The following CTNNA2 variants were observed in gnomAD, a reference collection of about 807,000 sequenced individuals.
The protein encoded by CTNNA2 is catenin alpha-2.
CTNNA2 carries 42 observed loss-of-function variants against 101.0 expected under a neutral mutation model. The ratio of observed to expected loss-of-function variants is 0.42; its 90% CI spans 0.32 to 0.54. The LOEUF is 0.54. CTNNA2 is among the 20% of genes least tolerant of loss of function. The pLI is 0.14. For missense variants in CTNNA2, 871 were observed against 1,223.1 expected (o/e 0.71, Z 4.29); for synonymous variants, 450 against 456.4 (o/e 0.99, Z 0.18).
chr2:80,409,175 T>C (rs1205679706), intron 8 of CTNNA2, among the ~76,000 whole-genome samples: 1 of 152,094 alleles, frequency 6.6e-6, no homozygotes, highest in Non-Finnish European at 1.5e-5. Context: ...CCTTCACCCT[T>C]GCCACCTAAA....
intron 1 of CTNNA2, among the ~76,000 whole-genome samples, chr2:79,601,160 G>T (rs1029739007): frequency 2.0e-4 from 31 of 152,152 alleles, no homozygotes; most frequent in Non-Finnish European, 4.4e-4. Context: ...GAAGAAATTT[G>T]TCAAAAGCCT....
chr2:80,506,759 G>A (rs989151213), intron 9 of CTNNA2, among the ~76,000 whole-genome samples: 12 of 152,174 alleles, frequency 7.9e-5, no homozygotes, highest in Non-Finnish European at 1.5e-4. Context: ...CAGGTCTAGC[G>A]TGGGAGGGAT....
chr2:79,233,531 T>G (rs561351399), intron 2 of CTNNA2, among the ~76,000 whole-genome samples: 2 of 152,294 alleles, frequency 1.3e-5, no homozygotes, highest in East Asian at 3.9e-4. Flanking sequence ...TATTCCATAC[T>G]TGTTGGGTGA....
At chr2:79,432,851 C>T (rs916620957) in intron 4 of CTNNA2, among the ~76,000 whole-genome samples, 3 of 152,224 alleles carry the variant, frequency 2.0e-5, no homozygotes, top group Admixed American at 1.3e-4. Flanking sequence ...ATAACAAAGG[C>T]TCTCTTTTGA....
Position 80,464,229 on chromosome 2 carries a change from G to A in CTNNA2, c.1290+44628G>A, listed in dbSNP as rs112431928. 6.9e-3 allele frequency among the ~76,000 whole-genome samples: 1,055 copies of A among 152,238 alleles called. 11 individuals are homozygous for A. Among genetic ancestry groups the A allele is most frequent in the African/African-American group, 0.019 (785 of 41,546 alleles). ...CCTGCATGAACCAGAAGAAAGAACT[G>A]TCTTCAATATAATGGAGATCCAATA... On this transcript the variant is annotated intron_variant, in intron 9 of 18. Coordinates refer to ENST00000402739, the MANE Select transcript of CTNNA2 (RefSeq NM_001282597.3).
chr2:80,188,237 A>G (rs1340251137), intron 7 of CTNNA2, among the ~76,000 whole-genome samples: 1 of 152,222 alleles, frequency 6.6e-6, no homozygotes, highest in Non-Finnish European at 1.5e-5. Flanking sequence ...GTCTCATGAG[A>G]CTGAATTTTG....
At chr2:79,466,752 T>C (rs960334620) in intron 4 of CTNNA2, among the ~76,000 whole-genome samples, 1 of 152,196 alleles carries the variant, frequency 6.6e-6, no homozygotes, top group Non-Finnish European at 1.5e-5. Context: ...CTGCTGCTGA[T>C]ACCCAGGAGA....
intron 1 of CTNNA2, among the ~76,000 whole-genome samples, chr2:79,613,908 T>C (rs1371003814): frequency 6.6e-6 from 1 of 152,162 alleles, no homozygotes; most frequent in Non-Finnish European, 1.5e-5. Flanking sequence ...TGTTTGACTG[T>C]TTTATAGTTG....
rs1699116243 is a variant in CTNNA2 at position 80,081,130 on chromosome 2, A to T, written c.1056+171333A>T. 3.3e-5 allele frequency among the ~76,000 whole-genome samples: 5 copies of T among 150,314 alleles called. No individual in the cohort carries two copies. The South Asian group carries it at 1.0e-3, about 32-fold the overall frequency. On this transcript the variant is annotated intron_variant, in intron 7 of 18. Transcript: ENST00000402739. ...AAAAAAAAAGCGTGGTCGGGTGAGG[A>T]GCAAATGCTTAAAGAACTTCCCCTT...
chr2:80,294,568 T>A (rs1379016127), intron 7 of CTNNA2, among the ~76,000 whole-genome samples: 1 of 152,066 alleles, frequency 6.6e-6, no homozygotes. Flanking sequence ...GTCCATGCTG[T>A]GAGTAGGCAA....
At chr2:79,965,005 A>C (rs1689932973) in intron 7 of CTNNA2, among the ~76,000 whole-genome samples, 1 of 152,250 alleles carries the variant, frequency 6.6e-6, no homozygotes, top group Admixed American at 6.5e-5. Context: ...ACTCCATTAA[A>C]GTATAACTTT....
chr2:79,464,237 G>GT (rs1224348048), intron 4 of CTNNA2, among the ~76,000 whole-genome samples: 1 of 151,994 alleles, frequency 6.6e-6, no homozygotes, highest in African/African-American at 2.4e-5. Context: ...GCGGTGTTTG[G>GT]TTTTTTTGTC....
intron 2 of CTNNA2, among the ~76,000 whole-genome samples, chr2:79,683,019 G>C (rs1222028908): frequency 2.0e-5 from 3 of 152,222 alleles, no homozygotes; most frequent in Non-Finnish European, 4.4e-5. Context: ...TATACATGCA[G>C]GTTGGTGGTT....
At chr2:79,957,977 G>A (rs1689361393) in intron 7 of CTNNA2, among the ~76,000 whole-genome samples, 1 of 152,120 alleles carries the variant, frequency 6.6e-6, no homozygotes, top group African/African-American at 2.4e-5. Flanking sequence ...TTTGCACCCA[G>A]GCCTTCTGTT....
chr2:79,564,270 A>T (rs1380356281), intron 1 of CTNNA2, among the ~76,000 whole-genome samples: 4 of 150,604 alleles, frequency 2.7e-5, no homozygotes, highest in African/African-American at 4.8e-5. Context: ...TTTTAAATTT[A>T]AAATTTAAAT....
intron 6 of CTNNA2, among the ~76,000 whole-genome samples, chr2:79,892,400 T>C (rs1186563231): frequency 1.3e-5 from 2 of 152,188 alleles, no homozygotes; most frequent in African/African-American, 4.8e-5. Context: ...TGCACGCCTA[T>C]TCTCATTACC....
At chr2:80,387,146 G>A (rs552089676) in intron 7 of CTNNA2, among the ~76,000 whole-genome samples, 79 of 152,086 alleles carry the variant, frequency 5.2e-4, no homozygotes, top group Non-Finnish European at 1.1e-3. Context: ...AAAATTAGCC[G>A]GGCGTGGTGG....
chr2:79,569,665 G>T (rs933178720), intron 1 of CTNNA2, among the ~76,000 whole-genome samples: 5 of 152,176 alleles, frequency 3.3e-5, no homozygotes, highest in Non-Finnish European at 7.3e-5. Context: ...TCACTTAAGT[G>T]TGGTATTTGC....
chr2:80,547,165 G>T (rs751618047), intron 11 of CTNNA2, among the ~76,000 whole-genome samples: 1 of 152,136 alleles, frequency 6.6e-6, no homozygotes. Flanking sequence ...TCCCACTGGG[G>T]CTTGTCTGAG....
Sources: allele counts gnomAD v4.1 joint callset (sites outside exome capture counted in the v4.1 genomes callset), GRCh38; gene constraint gnomAD v4.1.1; transcripts MANE v1.5; gene names NCBI Gene and HGNC (gene_info 2026-07-23, HGNC 2026-07-21).